KIF6: variants seen among roughly 807,000 people sequenced by gnomAD.
The protein encoded by KIF6 is kinesin-like protein KIF6.
A neutral mutation model predicts 112.7 loss-of-function variants in KIF6; 106 were observed. The observed-to-expected ratio is 0.94, with a 90% CI of 0.80 to 1.11. The LOEUF is 1.11. Ranked by LOEUF, KIF6 falls within the 50% of genes least tolerant of loss-of-function variation. The pLI is 0.00. For synonymous variants in KIF6, 339 were observed against 339.9 expected, an observed-to-expected ratio of 1.00 and a Z score of 0.03; for missense variants, 929 against 964.0, an observed-to-expected ratio of 0.96 and a Z score of 0.48.
chr6:39,529,451 T>C (rs1777918916), intron 13 of KIF6, among the ~76,000 whole-genome samples: 1 of 151,886 alleles, frequency 6.6e-6, no homozygotes, highest in South Asian at 2.1e-4. Context: ...TATAAGAAAA[T>C]CCAATAACTC....
chr6:39,412,282 C>T (rs1448352798), intron 15 of KIF6, among the ~76,000 whole-genome samples: 1 of 152,192 alleles, frequency 6.6e-6, no homozygotes, highest in Non-Finnish European at 1.5e-5. Flanking sequence ...CAGATAACTT[C>T]ATGTCTTGGA....
At chr6:39,537,088 G>A (rs1387886882) in intron 13 of KIF6, among the ~76,000 whole-genome samples, 1 of 152,142 alleles carries the variant, frequency 6.6e-6, no homozygotes, top group Non-Finnish European at 1.5e-5. Context: ...AGCTATCTAT[G>A]ACAAACCCAT....
intron 15 of KIF6, among the ~76,000 whole-genome samples, chr6:39,391,359 G>C (rs560030165): frequency 3.9e-5 from 6 of 152,286 alleles, no homozygotes; most frequent in South Asian, 2.1e-4. Flanking sequence ...CACCCAATCT[G>C]TGAGTGAAAG....
intron 15 of KIF6, among the ~76,000 whole-genome samples, chr6:39,398,483 C>T (rs1768437424): frequency 6.6e-6 from 1 of 152,186 alleles, no homozygotes; most frequent in Admixed American, 6.5e-5. Flanking sequence ...AAGGAGCAGC[C>T]TTTGCCTTCT....
At chr6:39,556,783 C>G (rs1042770217) in intron 10 of KIF6, among the ~76,000 whole-genome samples, 2 of 152,112 alleles carry the variant, frequency 1.3e-5, no homozygotes, top group Non-Finnish European at 2.9e-5. Context: ...TGGAAGTGGG[C>G]TAGCCCTACC....
At chr6:39,558,988 T>G (rs774536819) in intron 10 of KIF6, among the ~76,000 whole-genome samples, 1 of 152,182 alleles carries the variant, frequency 6.6e-6, no homozygotes, top group African/African-American at 2.4e-5. Flanking sequence ...CCAAGGATAA[T>G]TAATACAAGC....
intron 5 of KIF6, among the ~76,000 whole-genome samples, chr6:39,634,184 T>C (rs1784500812): frequency 6.6e-6 from 1 of 152,198 alleles, no homozygotes; most frequent in Admixed American, 6.5e-5. Flanking sequence ...CTACTTTTGA[T>C]ATATGATGTC....
At chr6:39,605,751 T>G (rs1404541386) in intron 6 of KIF6, among the ~76,000 whole-genome samples, 8 of 152,158 alleles carry the variant, frequency 5.3e-5, no homozygotes, top group Non-Finnish European at 2.9e-5. Flanking sequence ...TGTCCAGTGG[T>G]AGGCATAACA....
intron 22 of KIF6, 138 bp from the exon 23 acceptor site, chr6:39,336,686 G>A (rs913851207): frequency 5.3e-6 from 4 of 755,686 alleles, no homozygotes; most frequent in Admixed American, 2.0e-5. Flanking sequence ...TGCCTCCCAG[G>A]AGCTGCATTT....
intron 10 of KIF6, among the ~76,000 whole-genome samples, chr6:39,570,666 C>T (rs941993601): frequency 1.3e-5 from 2 of 151,968 alleles, no homozygotes; most frequent in Non-Finnish European, 2.9e-5. Flanking sequence ...GTGTTTACCC[C>T]CATGCTGTTC....
At chr6:39,575,781 G>GC (rs1281820382) in intron 10 of KIF6, among the ~76,000 whole-genome samples, 3 of 152,036 alleles carry the variant, frequency 2.0e-5, no homozygotes, top group African/African-American at 7.2e-5. Flanking sequence ...GCTGTTCCTA[G>GC]CCCTCTCCTG....
chr6:39,694,169 C>A (rs534361503), intron 3 of KIF6, among the ~76,000 whole-genome samples: 70 of 150,056 alleles, frequency 4.7e-4, no homozygotes, highest in Non-Finnish European at 7.7e-4. Context: ...AAGAATACCT[C>A]AAAATAATAA....
chr6:39,624,378 G>A (rs1783983581), intron 5 of KIF6, among the ~76,000 whole-genome samples: 2 of 152,132 alleles, frequency 1.3e-5, no homozygotes, highest in South Asian at 2.1e-4. Context: ...TATCAGTTGA[G>A]CTATAATAGA....
chr6:39,378,922 C>T lies in KIF6; in HGVS notation c.1861+6700G>A, dbSNP rs748296638. ...CTATTATCTTGGCCGCTCACATAAA[C>T]GCTTTCAGTGAGCTATGCTTTAATG... On this transcript the variant is annotated intron_variant, in intron 16 of 22. Transcript: ENST00000287152. The surrounding 1 kb of genome is among the most constrained non-coding windows in gnomAD (Gnocchi z 5.0). Among the ~76,000 whole-genome samples the T allele has an allele frequency of 1.3e-5, 2 of 152,138 alleles. No individual in the cohort carries two copies. Among genetic ancestry groups the T allele is most frequent in the East Asian group, 1.9e-4 (1 of 5,196 alleles).
At chr6:39,524,022 T>A (rs2150530152) in intron 13 of KIF6, among the ~76,000 whole-genome samples, 1 of 152,122 alleles carries the variant, frequency 6.6e-6, no homozygotes, top group Non-Finnish European at 1.5e-5. Context: ...TGTCTTATGT[T>A]CTCCACCTCA....
chr6:39,376,248 T>G (rs1420869726), intron 16 of KIF6, among the ~76,000 whole-genome samples: 1 of 152,174 alleles, frequency 6.6e-6, no homozygotes, highest in Non-Finnish European at 1.5e-5. Context: ...CAATTTTATT[T>G]CTGAGAGGGT....
chr6:39,360,251 T>C, intron 18 of KIF6, 144 bp downstream of exon 18: 2 of 843,756 alleles, frequency 2.4e-6, no homozygotes, highest in Non-Finnish European at 3.6e-6. Context: ...TCATCCTTGT[T>C]ACTACAGTGA....
At chr6:39,349,837 G>A (rs1764100884) in intron 19 of KIF6, among the ~76,000 whole-genome samples, 1 of 151,842 alleles carries the variant, frequency 6.6e-6, no homozygotes, top group African/African-American at 2.4e-5. Flanking sequence ...GTAGAGATGA[G>A]GGTTCACCAT....
chr6:39,607,641 G>T (rs1782966222), intron 6 of KIF6, among the ~76,000 whole-genome samples: 2 of 151,802 alleles, frequency 1.3e-5, no homozygotes. Flanking sequence ...ACCCAGGCTG[G>T]CCTCAAACTC....
Sources: allele counts gnomAD v4.1 joint callset (sites outside exome capture counted in the v4.1 genomes callset), GRCh38; gene constraint gnomAD v4.1.1; non-coding constraint Gnocchi (gnomAD v3.1); transcripts MANE v1.5; gene names NCBI Gene and HGNC (gene_info 2026-07-23, HGNC 2026-07-21).